Variants in UTRN observed in about 807,000 individuals in gnomAD.
UTRN encodes the protein dystrophin-related protein 1.
A neutral mutation model predicts 463.9 loss-of-function variants in UTRN; 283 were observed. The observed-to-expected ratio is 0.61, with a 90% confidence interval of 0.55 to 0.67. The LOEUF (loss-of-function observed/expected upper bound fraction) is 0.67, where lower values mean the gene tolerates loss of function less well. UTRN is among the 30% of genes least tolerant of loss of function. The pLI is 0.00. For synonymous variants in UTRN, 1,442 were observed against 1,431.5 expected (o/e 1.01, Z -0.17); for missense variants, 3,922 against 4,084.3 (o/e 0.96, Z 1.08).
At chr6:144,290,752 C>CTTTTTTTTT (rs200477118) in intron 1 of UTRN, among the ~76,000 whole-genome samples, 2 of 99,168 alleles carry the variant, frequency 2.0e-5, no homozygotes, top group Non-Finnish European at 3.9e-5. Context: ...CCACAATCGT[C>CTTTTTTTTT]TTTTTTTTTT....
chr6:144,846,972 A>G (rs1782074730), intron 74 of UTRN, 145 bp downstream of exon 74: 1 of 1,231,358 alleles, frequency 8.1e-7, no homozygotes, highest in East Asian at 2.5e-5. Context: ...GATTCTGTAC[A>G]ACAGTTTGTC....
chr6:144,471,922 A>G (rs942538167), intron 23 of UTRN, among the ~76,000 whole-genome samples: 14 of 152,318 alleles, frequency 9.2e-5, no homozygotes, highest in African/African-American at 2.9e-4. Context: ...CTTCAAAACT[A>G]CAAAGTATAG....
chr6:144,736,100 A>G (rs1370372131), intron 54 of UTRN, among the ~76,000 whole-genome samples: 1 of 152,082 alleles, frequency 6.6e-6, no homozygotes, highest in East Asian at 1.9e-4. Context: ...TCCTTTCCTG[A>G]TACTATTTTC....
At chr6:144,532,989 C>T in intron 42 of UTRN, 96 bp from the exon 43 acceptor site, 1 of 584,710 alleles carries the variant, frequency 1.7e-6, no homozygotes, top group Non-Finnish European at 2.9e-6. Flanking sequence ...TTGTTTCTTT[C>T]ACACTTAAAT....
intron 51 of UTRN, chr6:144,583,545 T>C (rs940246542): frequency 4.2e-6 from 3 of 716,298 alleles, no homozygotes; most frequent in Middle Eastern, 4.6e-4. Flanking sequence ...GTGGTTTTGT[T>C]GCATCGCTTA....
chr6:144,691,346 G>A (rs1783392186), intron 52 of UTRN, among the ~76,000 whole-genome samples: 1 of 152,142 alleles, frequency 6.6e-6, no homozygotes, highest in African/African-American at 2.4e-5. Flanking sequence ...CGAACTCCTG[G>A]CCTCAAGTGA....
At chr6:144,763,399 TTCC>T (rs2128728715) in intron 58 of UTRN, among the ~76,000 whole-genome samples, 1 of 152,302 alleles carries the variant, frequency 6.6e-6, no homozygotes, top group African/African-American at 2.4e-5. Flanking sequence ...CTACTCTCAT[TTCC>T]CAAGGCCACC....
At chr6:144,552,731 C>CA (rs1352938466) in intron 48 of UTRN, among the ~76,000 whole-genome samples, 1 of 152,152 alleles carries the variant, frequency 6.6e-6, no homozygotes, top group Non-Finnish European at 1.5e-5. Context: ...GGGCTTAACT[C>CA]ACAATGAATG....
At chr6:144,443,427 C>G (rs909111699) in intron 13 of UTRN, among the ~76,000 whole-genome samples, 1 of 152,172 alleles carries the variant, frequency 6.6e-6, no homozygotes, top group African/African-American at 2.4e-5. Context: ...CATGCTGAGA[C>G]TGGAAATCTA....
chr6:144,631,865 A>G (rs3950347), intron 51 of UTRN, among the ~76,000 whole-genome samples: 16,583 of 152,176 alleles, frequency 0.11, 1,483 homozygotes, highest in East Asian at 0.52. Context: ...AAAAGAAGGA[A>G]AATTAATTTA....
At chr6:144,591,897 G>A (rs1585438102) in intron 51 of UTRN, among the ~76,000 whole-genome samples, 1 of 152,124 alleles carries the variant, frequency 6.6e-6, no homozygotes, top group Non-Finnish European at 1.5e-5. Flanking sequence ...GTAGAGAAAA[G>A]GGGGAACTTT....
At chr6:144,328,801 T>C (rs1473275244) in intron 2 of UTRN, among the ~76,000 whole-genome samples, 1 of 152,070 alleles carries the variant, frequency 6.6e-6, no homozygotes, top group Non-Finnish European at 1.5e-5. Context: ...AATTTTTTTT[T>C]GAGACAAAGT....
intron 51 of UTRN, among the ~76,000 whole-genome samples, chr6:144,622,791 A>G (rs1456003385): frequency 1.3e-5 from 2 of 152,196 alleles, no homozygotes; most frequent in Non-Finnish European, 2.9e-5. Flanking sequence ...AGAAAACAGG[A>G]AAGGATTGTA....
chr6:144,313,355 G>GAA lies in UTRN; in HGVS notation c.79+21460_79+21461dup, dbSNP rs111286897. Among the ~76,000 whole-genome samples, 780 of 123,522 alleles carry GAA rather than the reference G, an allele frequency of 6.3e-3. 7 individuals are homozygous for GAA. Among genetic ancestry groups the GAA allele is most frequent in the African/African-American group, 0.021 (743 of 34,678 alleles). The allele number at this position is 123,522 out of a possible 152,430, so 81.0% of individuals were successfully genotyped here. On this transcript the variant is annotated intron_variant, in intron 2 of 74. Coordinates refer to ENST00000367545, the MANE Select transcript of UTRN (RefSeq NM_007124.3). ...AGGAGAAGAGCAGGTTTCTGATACT[G>GAA]AAAAAAAAAAAAAGAAAAGAAAATA...
In UTRN at chr6:144,542,848, T is replaced by C. The variant is rs1416956762; in HGVS notation, c.6573T>C (p.Ser2191=). The C allele has an allele frequency of 6.2e-7, 1 of 1,613,540 alleles. No individual in the cohort carries two copies. The highest frequency in any genetic ancestry group is 8.5e-7 in the Non-Finnish European group (1 of 1,179,798). ...AGGAATGCATCCAGGAGCCCAGTTC[T>C]GTTTCACAGACAAGGATTGCTGGTA... ...TLKECIQEPS[S]VSQTRIAAHP... Residue 2191 remains serine (S), a synonymous_variant, in exon 46 of 75, where the codon TCT becomes TCC. Coordinates refer to ENST00000367545, the MANE Select transcript of UTRN (RefSeq NM_007124.3).
At chr6:144,544,216 C>G (rs909405776) in intron 46 of UTRN, among the ~76,000 whole-genome samples, 1 of 152,158 alleles carries the variant, frequency 6.6e-6, no homozygotes, top group Non-Finnish European at 1.5e-5. Context: ...TAGTATGTCT[C>G]TCTCCTCCTA....
chr6:144,378,527 G>A (rs1052840404), intron 2 of UTRN, among the ~76,000 whole-genome samples: 6 of 152,198 alleles, frequency 3.9e-5, no homozygotes, highest in Non-Finnish European at 8.8e-5. Context: ...AACCTGCAAT[G>A]TTCGTCTGAA....
chr6:144,584,667 G>A (rs1252694096), intron 51 of UTRN, among the ~76,000 whole-genome samples: 1 of 151,460 alleles, frequency 6.6e-6, no homozygotes, highest in African/African-American at 2.4e-5. Context: ...ATATATTGCT[G>A]TCTGGAAACT....
intron 51 of UTRN, among the ~76,000 whole-genome samples, chr6:144,590,886 A>ATG (rs1224648446): frequency 6.6e-6 from 1 of 151,394 alleles, no homozygotes; most frequent in South Asian, 2.1e-4. Context: ...GCACATGCAC[A>ATG]CACACACACA....
Sources: allele counts gnomAD v4.1 joint callset (sites outside exome capture counted in the v4.1 genomes callset), GRCh38; gene constraint gnomAD v4.1.1; transcripts MANE v1.5; gene names NCBI Gene and HGNC (gene_info 2026-07-23, HGNC 2026-07-21).